TOPAZ1: variants seen among roughly 807,000 people sequenced by gnomAD.
TOPAZ1 encodes the protein protein TOPAZ1.
A neutral mutation model predicts 172.2 loss-of-function variants in TOPAZ1; 66 were observed. The ratio of observed to expected loss-of-function variants is 0.38; its 90% CI spans 0.31 to 0.47. TOPAZ1 has a LOEUF of 0.47. Ranked by LOEUF, TOPAZ1 falls within the 20% of genes least tolerant of loss-of-function variation. The pLI is 0.99. For synonymous variants in TOPAZ1, 681 were observed against 683.9 expected, an observed-to-expected ratio of 1.00 and a Z score of 0.07; for missense variants, 1,822 against 1,972.4, an observed-to-expected ratio of 0.92 and a Z score of 1.44.
At position 44,243,118 on chromosome 3, in the gene TOPAZ1, G is replaced by A. The variant is rs80124180; in HGVS notation, c.612G>A (p.Lys204=). The A allele has an allele frequency of 0.048, 74,038 of 1,549,934 alleles. 2,075 individuals are homozygous for A. The highest frequency in any genetic ancestry group is 0.071 in the Middle Eastern group (424 of 5,974). The change falls in exon 2 of 20, where the codon AAG becomes AAA. Residue 204 remains lysine, a synonymous_variant. Coordinates refer to ENST00000309765, the MANE Select transcript of TOPAZ1 (RefSeq NM_001145030.2). ...TTGAATTCCAAGATGAACTGTACAA[G>A]AATACTCCAAAATATTCTTGTAATA... ...IKVEFQDELY[K]NTPKYSCNIL...
Position 44,244,941 on chromosome 3 carries a change from C to G in TOPAZ1, c.2435C>G (p.Pro812Arg). ...GAAAATAATGCTTTTTCTTGTGATC[C>G]TGGGTATGTAGAGAAAAGTCCTTCC... Reference protein sequence around the residue: ...TVENNAFSCDPGYVEKSPSFC... With the variant: ...TVENNAFSCDRGYVEKSPSFC... Residue 812 changes from proline (P) to arginine (R), a missense_variant, in exon 2 of 20, where the codon CCT becomes CGT. Coordinates refer to ENST00000309765, the MANE Select transcript of TOPAZ1 (RefSeq NM_001145030.2). 6.4e-7 allele frequency: 1 copy of G among 1,551,650 alleles called. No homozygotes were observed.
Position 44,244,083 on chromosome 3 carries a change from G to A in TOPAZ1, c.1577G>A (p.Cys526Tyr). ...SYFLRGSQESCRQVDVPKHQT... is the reference protein window; with the variant it reads ...SYFLRGSQESYRQVDVPKHQT... Reference sequence around the variant, plus strand: ...TTTCTTCGTGGGTCTCAGGAAAGTTGTAGGCAAGTTGATGTCCCTAAACAC... The same window carrying A: ...TTTCTTCGTGGGTCTCAGGAAAGTTATAGGCAAGTTGATGTCCCTAAACAC... Residue 526 changes from cysteine (C) to tyrosine (Y), a missense_variant, in exon 2 of 20, where the codon TGT becomes TAT. By Grantham distance (194) the Cys-to-Tyr change is radical. Transcript: ENST00000309765. 6.4e-7 allele frequency: 1 copy of A among 1,551,716 alleles called. No individual in the cohort carries two copies.
downstream of TOPAZ1, among the ~76,000 whole-genome samples, chr3:44,336,105 TG>T (rs1344486304): frequency 6.6e-6 from 1 of 152,238 alleles, no homozygotes; most frequent in Non-Finnish European, 1.5e-5. Flanking sequence ...TATTTTGGTC[TG>T]GAACAGCCTG....
chr3:44,300,148 G>C (rs1254037139), intron 12 of TOPAZ1, among the ~76,000 whole-genome samples: 3 of 149,732 alleles, frequency 2.0e-5, no homozygotes, highest in Admixed American at 2.0e-4. Flanking sequence ...AAAAGAAAAT[G>C]AGAGCTGGGT....
intron 18 of TOPAZ1, among the ~76,000 whole-genome samples, chr3:44,324,148 C>T (rs1395291750): frequency 2.0e-5 from 3 of 152,100 alleles, no homozygotes; most frequent in Non-Finnish European, 4.4e-5. Flanking sequence ...TACTAGGGTA[C>T]ATTACAGGTA....
At chr3:44,258,254 G>A (rs377728225) in intron 4 of TOPAZ1, among the ~76,000 whole-genome samples, 2 of 152,136 alleles carry the variant, frequency 1.3e-5, no homozygotes, top group East Asian at 1.9e-4. Context: ...GTGGATTCAC[G>A]TGCAGTTATA....
intron 8 of TOPAZ1, among the ~76,000 whole-genome samples, chr3:44,279,026 T>C (rs920621014): frequency 6.6e-6 from 1 of 152,140 alleles, no homozygotes; most frequent in Non-Finnish European, 1.5e-5. Context: ...TTTTGGTATT[T>C]TGTTTTCTCA....
At position 44,242,138 on chromosome 3, in the gene TOPAZ1, G is replaced by T; in HGVS notation, c.85G>T (p.Gly29Trp). ...AAACCTGCAGAAGCGGCAGGCGCCA[G>T]GGCCAGGCGCGGCGGGAGGCTGTGG... ...VRNLQKRQAPGPGAAGGCGPE... is the reference protein window; with the variant it reads ...VRNLQKRQAPWPGAAGGCGPE... The change falls in exon 1 of 20, where the codon GGG (glycine) becomes TGG (tryptophan). Residue 29 changes from glycine (G) to tryptophan (W), a missense_variant. Coordinates refer to ENST00000309765, the MANE Select transcript of TOPAZ1 (RefSeq NM_001145030.2). The T allele has an allele frequency of 1.3e-6, 2 of 1,549,212 alleles. No homozygotes were observed. The highest frequency in any genetic ancestry group is 1.7e-6 in the Non-Finnish European group (2 of 1,146,524).
intron 15 of TOPAZ1, 32 bp from the exon 16 acceptor site, chr3:44,309,793 T>C (rs1700378037): frequency 2.2e-6 from 3 of 1,380,638 alleles, no homozygotes; most frequent in Non-Finnish European, 2.9e-6. Context: ...AAATGATTGA[T>C]ACCCAATTAG....
intron 12 of TOPAZ1, among the ~76,000 whole-genome samples, chr3:44,300,834 T>G (rs929665190): frequency 6.6e-6 from 1 of 150,706 alleles, no homozygotes; most frequent in African/African-American, 2.4e-5. Flanking sequence ...CAGCTTTAAT[T>G]GTAATAACCA....
At chr3:44,329,006 T>A (rs981606204) in intron 19 of TOPAZ1, among the ~76,000 whole-genome samples, 1 of 152,226 alleles carries the variant, frequency 6.6e-6, no homozygotes, top group East Asian at 1.9e-4. Context: ...CCATACGATT[T>A]CTTGTCAGCT....
intron 8 of TOPAZ1, among the ~76,000 whole-genome samples, chr3:44,277,466 G>T (rs1025203666): frequency 6.6e-6 from 1 of 152,142 alleles, no homozygotes; most frequent in African/African-American, 2.4e-5. Context: ...TCTCCAACTT[G>T]GATGCCTTTT....
intron 12 of TOPAZ1, among the ~76,000 whole-genome samples, chr3:44,295,148 A>G (rs1441899652): frequency 3.9e-5 from 6 of 152,078 alleles, no homozygotes; most frequent in African/African-American, 1.4e-4. Context: ...GTAGATATAT[A>G]TTTTTTAGTT....
intron 15 of TOPAZ1, among the ~76,000 whole-genome samples, chr3:44,309,465 A>G (rs1396531031): frequency 6.6e-6 from 1 of 152,202 alleles, no homozygotes. Context: ...ACAGAAGAGG[A>G]GCAAAAACAT....
At chr3:44,283,200 C>G (rs1474036486) in intron 9 of TOPAZ1, among the ~76,000 whole-genome samples, 1 of 152,106 alleles carries the variant, frequency 6.6e-6, no homozygotes, top group East Asian at 1.9e-4. Flanking sequence ...ATAAATGTAG[C>G]ACCTGTAGAA....
At chr3:44,292,866 C>T (rs1382598145) in intron 12 of TOPAZ1, among the ~76,000 whole-genome samples, 1 of 152,242 alleles carries the variant, frequency 6.6e-6, no homozygotes, top group Non-Finnish European at 1.5e-5. Context: ...CCCTATTGTG[C>T]TTTCAAACAC....
At chr3:44,261,568 G>A (rs901710068) in intron 4 of TOPAZ1, among the ~76,000 whole-genome samples, 7 of 152,054 alleles carry the variant, frequency 4.6e-5, no homozygotes, top group South Asian at 2.1e-4. Flanking sequence ...GCCCTGTAGC[G>A]TAGTTTGAAG....
intron 15 of TOPAZ1, among the ~76,000 whole-genome samples, chr3:44,309,272 T>G (rs1700369782): frequency 6.6e-6 from 1 of 152,174 alleles, no homozygotes; most frequent in Non-Finnish European, 1.5e-5. Flanking sequence ...TTTTTTTCAC[T>G]ATCATTCTTT....
intron 16 of TOPAZ1, among the ~76,000 whole-genome samples, chr3:44,319,596 CTT>C (rs962525952): frequency 1.6e-4 from 25 of 152,240 alleles, no homozygotes; most frequent in African/African-American, 6.0e-4. Flanking sequence ...ATCATACAGT[CTT>C]TGAAGATATT....
Sources: gnomAD v4.1 joint callset for allele counts (sites outside exome capture counted in the v4.1 genomes callset) on GRCh38, gnomAD v4.1.1 for gene constraint, MANE v1.5 for transcripts, NCBI Gene and HGNC (gene_info 2026-07-23, HGNC 2026-07-21) for gene names.